MECOM: variants seen among roughly 807,000 people sequenced by gnomAD.
MECOM encodes the protein histone-lysine N-methyltransferase MECOM.
A neutral mutation model predicts 116.3 loss-of-function variants in MECOM; 13 were observed. That is an observed-to-expected ratio of 0.11 (90% CI 0.07 to 0.18). The LOEUF (loss-of-function observed/expected upper bound fraction) is 0.18. MECOM is among the 10% of genes least tolerant of loss of function. The pLI, the probability that MECOM is intolerant of heterozygous loss-of-function variation, is 1.00. For missense variants in MECOM, 1,299 were observed against 1,509.0 expected (o/e 0.86, Z 2.31); for synonymous variants, 528 against 535.2 (o/e 0.99, Z 0.19).
chr3:169,265,244 T>C (rs1758117528), intron 2 of MECOM, among the ~76,000 whole-genome samples: 1 of 152,152 alleles, frequency 6.6e-6, no homozygotes, highest in East Asian at 1.9e-4. Flanking sequence ...GTGGCTAATA[T>C]ATAGAACCTT....
At chr3:169,256,453 A>G (rs1756879293) in intron 2 of MECOM, among the ~76,000 whole-genome samples, 1 of 152,210 alleles carries the variant, frequency 6.6e-6, no homozygotes, top group African/African-American at 2.4e-5. Flanking sequence ...AAGTAAAAAT[A>G]ATTCTGTGGG....
Position 169,632,173 on chromosome 3 carries a change from G to C in MECOM, c.37+31163C>G, listed in dbSNP as rs542495130. Reference sequence around the variant, plus strand: ...GTTATTCCTTCCTTTCATTTATTCAGAAGCATTCTGGAGAGAAATATATAT... The same window carrying C: ...GTTATTCCTTCCTTTCATTTATTCACAAGCATTCTGGAGAGAAATATATAT... On this transcript the variant is annotated intron_variant, in intron 1 of 16. Transcript: ENST00000651503. 5.3e-5 allele frequency among the ~76,000 whole-genome samples: 8 copies of C among 150,342 alleles called. No homozygotes were observed. In the South Asian group the frequency reaches 6.4e-4, roughly 12 times the overall value.
At chr3:169,523,030 A>G (rs1757537946) in intron 1 of MECOM, among the ~76,000 whole-genome samples, 2 of 152,352 alleles carry the variant, frequency 1.3e-5, no homozygotes, top group South Asian at 2.1e-4. Context: ...GTTATAGATG[A>G]TTTTTGTAAT....
intron 2 of MECOM, among the ~76,000 whole-genome samples, chr3:169,176,134 CAT>C (rs1433002153): frequency 1.3e-5 from 2 of 149,026 alleles, no homozygotes; most frequent in African/African-American, 4.9e-5. Flanking sequence ...CACACACACA[CAT>C]ACACACCAAA....
chr3:169,530,838 T>C (rs2109143240), intron 1 of MECOM, among the ~76,000 whole-genome samples: 1 of 152,014 alleles, frequency 6.6e-6, no homozygotes, highest in Non-Finnish European at 1.5e-5. Flanking sequence ...ACTTTACTCA[T>C]AGTAATAGTT....
chr3:169,438,222 A>G (rs1433491947), intron 1 of MECOM, among the ~76,000 whole-genome samples: 1 of 152,172 alleles, frequency 6.6e-6, no homozygotes, highest in Non-Finnish European at 1.5e-5. Context: ...ATAGCTGCCC[A>G]ATTACAGGAT....
chr3:169,511,486 G>A (rs895048856), intron 1 of MECOM, among the ~76,000 whole-genome samples: 2 of 152,194 alleles, frequency 1.3e-5, no homozygotes, highest in African/African-American at 4.8e-5. Flanking sequence ...TTTAGGCCAG[G>A]TGCAGTGGCT....
chr3:169,245,954 C>T (rs1442460996), intron 2 of MECOM, among the ~76,000 whole-genome samples: 1 of 152,188 alleles, frequency 6.6e-6, no homozygotes, highest in Non-Finnish European at 1.5e-5. Flanking sequence ...CCCAGCTTGT[C>T]TGCCAAGCCT....
chr3:169,600,033 G>A (rs959243427), intron 1 of MECOM, among the ~76,000 whole-genome samples: 3 of 151,948 alleles, frequency 2.0e-5, no homozygotes, highest in Non-Finnish European at 2.9e-5. Flanking sequence ...GTGCAGTGGT[G>A]CAATTTCAGC....
At chr3:169,338,546 T>C (rs2149786747) in intron 2 of MECOM, among the ~76,000 whole-genome samples, 1 of 152,162 alleles carries the variant, frequency 6.6e-6, no homozygotes, top group Middle Eastern at 3.4e-3. Context: ...AACCTTTCTA[T>C]AGATAACACT....
At position 169,433,691 on chromosome 3, in the gene MECOM, G is replaced by GAAAGAA. The variant is rs1560269015; in HGVS notation, c.38-52173_38-52168dup. On this transcript the variant is annotated intron_variant, in intron 1 of 16. Transcript: ENST00000651503. ...AAAGAAAGAAAGAAAGAAAGAAAGAGAAAGAAAGAAAAGAAAGAAAGAAAA... is the reference window on the plus strand; with the variant it reads ...AAAGAAAGAAAGAAAGAAAGAAAGAGAAAGAAAAAGAAAGAAAAGAAAGAAAGAAAA... 3.0e-3 allele frequency among the ~76,000 whole-genome samples: 360 copies of GAAAGAA among 122,006 alleles called. 4 individuals carry two copies. Among genetic ancestry groups the GAAAGAA allele is most frequent in the African/African-American group, 0.01 (339 of 33,148 alleles). The allele number at this position is 122,006 out of a possible 152,430, so 80.0% of individuals were successfully genotyped here. A position where few individuals can be genotyped will look rare whatever the true frequency, so the allele number is the denominator to read the frequency against.
At chr3:169,540,151 G>GTTC (rs2109222262) in intron 1 of MECOM, among the ~76,000 whole-genome samples, 1 of 152,270 alleles carries the variant, frequency 6.6e-6, no homozygotes, top group South Asian at 2.1e-4. Flanking sequence ...TCTCCCAGAT[G>GTTC]TTCTGTAGGC....
intron 2 of MECOM, among the ~76,000 whole-genome samples, chr3:169,313,387 G>A (rs748723383): frequency 8.5e-5 from 13 of 152,210 alleles, no homozygotes; most frequent in Admixed American, 5.9e-4. Context: ...TTTTGAGGAT[G>A]GAAGATAGCA....
intron 1 of MECOM, among the ~76,000 whole-genome samples, chr3:169,397,742 C>T (rs1207133638): frequency 6.6e-5 from 10 of 152,170 alleles, no homozygotes; most frequent in African/African-American, 2.4e-4. Context: ...GCAAACCCCA[C>T]CCAGCATTCT....
intron 2 of MECOM, among the ~76,000 whole-genome samples, chr3:169,190,837 A>T (rs1309663973): frequency 6.6e-6 from 1 of 152,058 alleles, no homozygotes; most frequent in African/African-American, 2.4e-5. Context: ...ATGGCCAGAA[A>T]CAAAGAGATA....
At chr3:169,631,167 T>G (rs1347160578) in intron 1 of MECOM, among the ~76,000 whole-genome samples, 1 of 152,256 alleles carries the variant, frequency 6.6e-6, no homozygotes, top group African/African-American at 2.4e-5. Context: ...TGCTTTCATA[T>G]GTATCTGCAG....
intron 1 of MECOM, among the ~76,000 whole-genome samples, chr3:169,481,336 T>A (rs1209767790): frequency 1.3e-5 from 2 of 152,126 alleles, no homozygotes; most frequent in African/African-American, 4.8e-5. Flanking sequence ...GTGGATCAAT[T>A]GAGGTCAGGA....
At chr3:169,491,421 T>A (rs534600058) in intron 1 of MECOM, among the ~76,000 whole-genome samples, 12 of 152,216 alleles carry the variant, frequency 7.9e-5, no homozygotes, top group Admixed American at 2.6e-4. Context: ...GTATCAGTAA[T>A]TAAAATAAAT....
chr3:169,621,825 A>G (rs552004175), intron 1 of MECOM, among the ~76,000 whole-genome samples: 1 of 152,290 alleles, frequency 6.6e-6, no homozygotes, highest in South Asian at 2.1e-4. Context: ...TCAAACTGTC[A>G]ATAAATAGGT....
Sources: allele counts gnomAD v4.1 joint callset (sites outside exome capture counted in the v4.1 genomes callset), GRCh38; gene constraint gnomAD v4.1.1; transcripts MANE v1.5; gene names NCBI Gene and HGNC (gene_info 2026-07-23, HGNC 2026-07-21).